The following PRELID2 variants were observed in gnomAD, a reference collection of about 807,000 sequenced individuals.
PRELID2 encodes the protein PRELI domain-containing protein 2.
PRELID2 carries 25 observed loss-of-function variants against 28.4 expected under a neutral mutation model. The observed-to-expected ratio is 0.88, with a 90% CI of 0.64 to 1.23. PRELID2 has a LOEUF of 1.23. Ranked by LOEUF, PRELID2 falls within the 50% of genes most tolerant of loss-of-function variation. PRELID2 has a pLI of 0.00. For missense variants in PRELID2, 201 were observed against 214.4 expected (o/e 0.94, Z 0.39); for synonymous variants, 76 against 71.6 (o/e 1.06, Z -0.31).
At chr5:145,389,335 C>A in the PRELID2 span, among the ~76,000 whole-genome samples, 1 of 152,004 alleles carries the variant, frequency 6.6e-6, no homozygotes, top group Non-Finnish European at 1.5e-5. Flanking sequence ...TGTAATGTAA[C>A]AGCCTTCACA....
chr5:145,396,802 A>G, the PRELID2 span, among the ~76,000 whole-genome samples: 6 of 150,306 alleles, frequency 4.0e-5, no homozygotes, highest in African/African-American at 1.0e-4. Flanking sequence ...TGGAGACTCA[A>G]TAACACGGGT....
At chr5:145,697,402 A>AT (rs1755305363) in intron 1 of PRELID2, among the ~76,000 whole-genome samples, 2 of 151,972 alleles carry the variant, frequency 1.3e-5, no homozygotes, top group South Asian at 4.2e-4. Context: ...TTGAACCCAT[A>AT]TATGTCTGGC....
chr5:145,412,986 C>A, the PRELID2 span, among the ~76,000 whole-genome samples: 729 of 152,210 alleles, frequency 4.8e-3, 6 homozygotes, highest in African/African-American at 0.017. Flanking sequence ...AAACCACCTC[C>A]ATGATTCAAT....
chr5:145,396,730 C>T, the PRELID2 span, among the ~76,000 whole-genome samples: 1 of 152,034 alleles, frequency 6.6e-6, no homozygotes, highest in Non-Finnish European at 1.5e-5. Context: ...CCCTGAGATT[C>T]TGTCTTGAAA....
At chr5:145,535,803 GTTTA>G (rs752837902) in intron 1 of PRELID2, among the ~76,000 whole-genome samples, 26 of 151,872 alleles carry the variant, frequency 1.7e-4, no homozygotes, top group Non-Finnish European at 3.2e-4. Flanking sequence ...TAGAACAATA[GTTTA>G]TTTCTCTTTT....
chr5:145,374,562 T>C, the PRELID2 span, among the ~76,000 whole-genome samples: 2 of 152,126 alleles, frequency 1.3e-5, no homozygotes, highest in Non-Finnish European at 2.9e-5. Context: ...CTGGTTAATA[T>C]CCTGAAGTGT....
At chr5:145,376,945 C>G in the PRELID2 span, among the ~76,000 whole-genome samples, 1 of 151,842 alleles carries the variant, frequency 6.6e-6, no homozygotes, top group Non-Finnish European at 1.5e-5. Flanking sequence ...GTTGTGTTTG[C>G]TCTTGGTTAT....
chr5:145,409,750 GA>G, the PRELID2 span, among the ~76,000 whole-genome samples: 1,442 of 104,928 alleles, frequency 0.014, 11 homozygotes, highest in East Asian at 0.049. Flanking sequence ...CATCTCTACT[GA>G]AAAAAAAAAA....
intron 1 of PRELID2, among the ~76,000 whole-genome samples, chr5:145,827,479 G>T (rs765965620): frequency 1.3e-5 from 2 of 152,134 alleles, no homozygotes; most frequent in African/African-American, 4.8e-5. Context: ...AGACTACAAC[G>T]CTGCCATCTG....
chr5:145,339,428 C>A, the PRELID2 span, among the ~76,000 whole-genome samples: 2 of 152,114 alleles, frequency 1.3e-5, no homozygotes, highest in Non-Finnish European at 2.9e-5. Flanking sequence ...TATGAGAGAA[C>A]CCCTTGACCC....
intron 1 of PRELID2, among the ~76,000 whole-genome samples, chr5:145,497,184 G>A (rs1481769343): frequency 6.6e-6 from 1 of 152,092 alleles, no homozygotes; most frequent in Non-Finnish European, 1.5e-5. Context: ...TAATTTGAAG[G>A]CTTGTGTTTT....
chr5:145,508,928 A>T (rs544744980), intron 1 of PRELID2, among the ~76,000 whole-genome samples: 134 of 152,306 alleles, frequency 8.8e-4, no homozygotes, highest in African/African-American at 3.0e-3. Context: ...TTGACTCTCC[A>T]TGTTGAAAGT....
chr5:145,487,911 T>C (rs994128219), intron 1 of PRELID2, among the ~76,000 whole-genome samples: 2 of 151,300 alleles, frequency 1.3e-5, no homozygotes, highest in Admixed American at 1.3e-4. Flanking sequence ...GATCATGAGG[T>C]CAGGAGATCG....
At chr5:145,407,618 A>T in the PRELID2 span, among the ~76,000 whole-genome samples, 16 of 152,290 alleles carry the variant, frequency 1.1e-4, no homozygotes, top group East Asian at 2.9e-3. Flanking sequence ...TGACGAATAT[A>T]GGGCAAACCT....
At chr5:145,734,493 T>C (rs925307887) in intron 1 of PRELID2, among the ~76,000 whole-genome samples, 1 of 152,208 alleles carries the variant, frequency 6.6e-6, no homozygotes, top group African/African-American at 2.4e-5. Context: ...CAAATTATCC[T>C]TGGGAAACAT....
chr5:145,510,949 G>A (rs895257462), intron 1 of PRELID2, among the ~76,000 whole-genome samples: 3 of 152,296 alleles, frequency 2.0e-5, no homozygotes, highest in African/African-American at 7.2e-5. Flanking sequence ...TGCCAGATCC[G>A]TCAAGAGGCC....
At chr5:145,336,349 A>T in the PRELID2 span, among the ~76,000 whole-genome samples, 1 of 151,270 alleles carries the variant, frequency 6.6e-6, no homozygotes, top group Non-Finnish European at 1.5e-5. Flanking sequence ...GTCCTTGCCC[A>T]TGCCTATGTC....
At chr5:145,571,333 T>C (rs1753013506) in intron 1 of PRELID2, among the ~76,000 whole-genome samples, 1 of 152,076 alleles carries the variant, frequency 6.6e-6, no homozygotes, top group South Asian at 2.1e-4. Context: ...GGACAGGAAG[T>C]GGGGGGCCAA....
the PRELID2 span, among the ~76,000 whole-genome samples, chr5:145,464,371 A>G: frequency 6.6e-6 from 1 of 152,208 alleles, no homozygotes; most frequent in Non-Finnish European, 1.5e-5. Context: ...GACAATAGAA[A>G]GTTAATTATT....
Sources: allele counts gnomAD v4.1 joint callset (sites outside exome capture counted in the v4.1 genomes callset), GRCh38; gene constraint gnomAD v4.1.1; transcripts MANE v1.5; gene names NCBI Gene and HGNC (gene_info 2026-07-23, HGNC 2026-07-21).